The following CHD8 variants were observed in gnomAD, a reference collection of about 807,000 sequenced individuals.
CHD8 encodes chromodomain helicase DNA binding protein 8.
CHD8 carries 31 observed loss-of-function variants against 279.2 expected under a neutral mutation model. That is an observed-to-expected ratio of 0.11 (90% CI 0.08 to 0.15). The LOEUF is 0.15. CHD8 is among the 10% of genes least tolerant of loss of function. CHD8 has a pLI of 1.00. For missense variants in CHD8, 2,146 were observed against 3,230.5 expected, an observed-to-expected ratio of 0.66 and a Z score of 8.14; for synonymous variants, 1,081 against 1,139.6, an observed-to-expected ratio of 0.95 and a Z score of 1.04.
intron 13 of CHD8, among the ~76,000 whole-genome samples, 167 bp from the exon 14 acceptor site, chr14:21,407,199 A>C (rs1220165363): frequency 6.6e-6 from 1 of 152,206 alleles, no homozygotes; most frequent in Admixed American, 6.5e-5. Context: ...CATATCACTG[A>C]ATGTAAGATA....
chr14:21,421,456 T>A (rs942809881), intron 5 of CHD8, among the ~76,000 whole-genome samples: 3 of 152,022 alleles, frequency 2.0e-5, no homozygotes, highest in African/African-American at 7.3e-5. Flanking sequence ...CCAATGGACA[T>A]CTAATTTTTA....
chr14:21,394,367 T>G lies in CHD8; in HGVS notation c.5509A>C (p.Lys1837Gln). The change falls in exon 31 of 38, where the codon AAA becomes CAA. Residue 1837 changes from lysine (K) to glutamine (Q), a missense_variant. Lys to Gln is a moderately conservative substitution (Grantham distance 53, BLOSUM62 1). This residue lies in a region of CHD8 where 513 missense variants were observed against 637.6 expected (regional missense o/e 0.80). Transcript: ENST00000646647. ...DRFRTFARLD[K>Q]KTDESLTKYF... ...TTGGTAAGGCTTTCATCTGTCTTTT[T>G]GTCTAGTCGAGCAAAAGTGCGGAAG... The G allele has an allele frequency of 6.2e-7, 1 of 1,613,982 alleles. No homozygotes were observed. The highest frequency in any genetic ancestry group is 8.5e-7 in the Non-Finnish European group (1 of 1,179,882).
chr14:21,427,665 T>A, intron 4 of CHD8: 1 of 1,454,974 alleles, frequency 6.9e-7, no homozygotes. Context: ...AAATGTCCCA[T>A]CCCAATAGCA....
chr14:21,419,544 A>G (rs1888918173), intron 5 of CHD8: 1 of 155,882 alleles, frequency 6.4e-6, no homozygotes, highest in African/African-American at 2.4e-5. Flanking sequence ...TGGGCAAGAC[A>G]GTGAGACTCT....
chr14:21,433,631 C>T (rs1889654719), intron 1 of CHD8, among the ~76,000 whole-genome samples: 1 of 152,136 alleles, frequency 6.6e-6, no homozygotes. Context: ...TACTCCAAAA[C>T]AGACAAAGAG....
At position 21,391,861 on chromosome 14, in the gene CHD8, T is replaced by C; in HGVS notation, c.6857A>G (p.Lys2286Arg). Residue 2286 changes from lysine to arginine, a missense_variant, in exon 35 of 38, where the codon AAG becomes AGG. By Grantham distance (26) the Lys-to-Arg change is conservative. Around this residue, in one of 26 missense-constraint regions of CHD8, gnomAD observed 336 missense variants for 392.9 expected, o/e 0.86. Transcript: ENST00000646647. ...TACTAGCTTCTTTCTGTTCCCCTTC[T>C]TCTTATGAAACAGTGGATGTCCATC... ...MGDGHPLFHK[K>R]KGNRKKLVEL... is the part of the protein sequence containing the mutation. The C allele has an allele frequency of 6.2e-7, 1 of 1,613,526 alleles. No homozygotes were observed. The highest frequency in any genetic ancestry group is 8.5e-7 in the Non-Finnish European group (1 of 1,179,408).
At chr14:21,450,826 G>A (rs1170687474) in intron 1 of CHD8, among the ~76,000 whole-genome samples, 2 of 152,094 alleles carry the variant, frequency 1.3e-5, no homozygotes, top group African/African-American at 4.8e-5. Context: ...ACAAAAAGGT[G>A]TTATTAGGAA....
chr14:21,410,917 G>A (rs139895945), intron 10 of CHD8, among the ~76,000 whole-genome samples: 2 of 152,116 alleles, frequency 1.3e-5, no homozygotes, highest in African/African-American at 2.4e-5. Context: ...CATTTGTCCA[G>A]GTCACATATT....
chr14:21,413,138 C>A (rs1480660436), intron 9 of CHD8, 142 bp from the exon 10 acceptor site: 1 of 643,726 alleles, frequency 1.6e-6, no homozygotes, highest in East Asian at 2.7e-5. Flanking sequence ...TCTCCTTTTT[C>A]ATAACAGCAA....
At chr14:21,401,624 G>A (rs1474173231) in intron 20 of CHD8, 111 bp from the exon 21 acceptor site, 1 of 689,684 alleles carries the variant, frequency 1.4e-6, no homozygotes, top group African/African-American at 1.8e-5. Context: ...TTGCTCTGTT[G>A]CCCAGGCTGG....
chr14:21,450,174 T>C (rs752550158), intron 1 of CHD8, among the ~76,000 whole-genome samples: 11 of 152,246 alleles, frequency 7.2e-5, no homozygotes, highest in Middle Eastern at 6.8e-3. Flanking sequence ...TCCAGAAACA[T>C]CTTACCATTA....
In CHD8 at chr14:21,429,120, A is replaced by C; in HGVS notation, c.1059T>G (p.Ile353Met). The change falls in exon 3 of 38, where the codon ATT becomes ATG. Residue 353 changes from isoleucine to methionine, a missense_variant. Coordinates refer to ENST00000646647, the MANE Select transcript of CHD8 (RefSeq NM_001170629.2). ...GCTGCGATGATGGTGGTTGTGGTAC[A>C]ATCTGGATTTTTTGCTGTGGCTGCT... ...QVQQPQQKIQ[I>M]VPQPPSSQPQ... 6.2e-7 allele frequency: 1 copy of C among 1,613,970 alleles called. No homozygotes were observed. The highest frequency in any genetic ancestry group is 1.1e-5 in the South Asian group (1 of 91,082).
chr14:21,420,606 CG>C (rs1888985696), intron 5 of CHD8, among the ~76,000 whole-genome samples: 1 of 152,006 alleles, frequency 6.6e-6, no homozygotes, highest in South Asian at 2.1e-4. Flanking sequence ...ACCTCCAAGA[CG>C]TATCATTAGG....
At chr14:21,401,251 G>A (rs921160043) in intron 21 of CHD8, among the ~76,000 whole-genome samples, 152 bp downstream of exon 21, 2 of 151,920 alleles carry the variant, frequency 1.3e-5, no homozygotes, top group Non-Finnish European at 2.9e-5. Context: ...TACTTTTCTG[G>A]GGCCTCCTAG....
chr14:21,401,268 A>G, intron 21 of CHD8, 135 bp downstream of exon 21: 2 of 747,152 alleles, frequency 2.7e-6, no homozygotes, highest in Middle Eastern at 2.4e-4. Flanking sequence ...CTAGGTAGAA[A>G]GTATCCACAA....
chr14:21,432,628 T>C (rs1405389702), intron 1 of CHD8, among the ~76,000 whole-genome samples: 4 of 152,208 alleles, frequency 2.6e-5, no homozygotes, highest in Non-Finnish European at 5.9e-5. Context: ...CTGTGTGACT[T>C]TGCTTATGAT....
chr14:21,421,799 AG>A (rs1889056419), intron 5 of CHD8, among the ~76,000 whole-genome samples: 2 of 152,190 alleles, frequency 1.3e-5, no homozygotes, highest in African/African-American at 4.8e-5. Flanking sequence ...AATTGGGAAT[AG>A]GGCTTCCAAC....
chr14:21,452,661 A>G (rs926558326), intron 1 of CHD8, among the ~76,000 whole-genome samples: 1 of 151,484 alleles, frequency 6.6e-6, no homozygotes, highest in Non-Finnish European at 1.5e-5. Context: ...AAAAAAAAAG[A>G]AAACTTCATA....
intron 37 of CHD8, among the ~76,000 whole-genome samples, chr14:21,390,724 G>A (rs1887489691): frequency 1.3e-5 from 2 of 148,318 alleles, no homozygotes; most frequent in African/African-American, 5.0e-5. Flanking sequence ...GTTGCAGTAG[G>A]CCAAGATTGC....
Sources: allele counts gnomAD v4.1 joint callset (sites outside exome capture counted in the v4.1 genomes callset), GRCh38; gene constraint gnomAD v4.1.1; regional missense constraint gnomAD v4.1.1; transcripts MANE v1.5; gene names NCBI Gene and HGNC (gene_info 2026-07-23, HGNC 2026-07-21).